ZNF800: variants seen among roughly 807,000 people sequenced by gnomAD.
ZNF800 encodes the protein zinc finger protein 800.
ZNF800 carries 13 observed loss-of-function variants against 59.5 expected under a neutral mutation model. That is an observed-to-expected ratio of 0.22 (90% CI 0.14 to 0.35). The LOEUF is 0.35. ZNF800 is among the 10% of genes least tolerant of loss of function. ZNF800 has a pLI of 1.00. For synonymous variants in ZNF800, 266 were observed against 265.7 expected, an observed-to-expected ratio of 1.00 and a Z score of -0.01; for missense variants, 621 against 783.7, an observed-to-expected ratio of 0.79 and a Z score of 2.48.
At chr7:127,386,289 C>T in intron 2 of ZNF800, 134 bp from the exon 3 acceptor site, 11 of 483,030 alleles carry the variant, frequency 2.3e-5, no homozygotes, top group South Asian at 1.9e-4. Context: ...CACACACACG[C>T]ATATATAATA....
chr7:127,384,224 C>CTTTTTTTTTT (rs1189051908), intron 3 of ZNF800, among the ~76,000 whole-genome samples: 3 of 59,242 alleles, frequency 5.1e-5, no homozygotes, highest in Admixed American at 3.4e-4. Flanking sequence ...CTAATTCTAA[C>CTTTTTTTTTT]TTCTTTTTTT....
chr7:127,391,333 T>A (rs1801306010), intron 2 of ZNF800, among the ~76,000 whole-genome samples, 164 bp downstream of exon 2: 1 of 152,168 alleles, frequency 6.6e-6, no homozygotes, highest in African/African-American at 2.4e-5. Flanking sequence ...AGGGGAGACC[T>A]CTTGTTTGTA....
chr7:127,355,952 T>A (rs1800262081), intron 1 of ZNF800, among the ~76,000 whole-genome samples: 1 of 152,012 alleles, frequency 6.6e-6, no homozygotes, highest in Admixed American at 6.6e-5. Context: ...TAATATTATT[T>A]CCTAACACAA....
At chr7:127,343,579 A>G (rs1443044113), downstream of ZNF800, among the ~76,000 whole-genome samples, 4 of 152,018 alleles carry the variant, frequency 2.6e-5, no homozygotes, top group East Asian at 7.7e-4. Flanking sequence ...GGCCTAAACA[A>G]TGTTATGGGT....
chr7:127,390,276 A>G (rs1414381027), intron 2 of ZNF800, among the ~76,000 whole-genome samples: 1 of 152,230 alleles, frequency 6.6e-6, no homozygotes, highest in Non-Finnish European at 1.5e-5. Flanking sequence ...TCAGTAAAAC[A>G]TAAGTGATAT....
At chr7:127,360,238 G>T (rs1361449430) in intron 1 of ZNF800, 1 of 152,032 alleles carries the variant, frequency 6.6e-6, no homozygotes, top group Non-Finnish European at 1.5e-5. Context: ...TGATAGATGT[G>T]GAGTCAGCCA....
rs1400491528 is a variant in ZNF800, at chr7:127,374,760, C to T, written c.576G>A (p.Glu192=). 2 of 1,613,892 alleles carry T rather than the reference C, an allele frequency of 1.2e-6. No individual in the cohort carries two copies. The highest frequency in any genetic ancestry group is 1.7e-5 in the Admixed American group (1 of 59,998). The change falls in exon 5 of 6, where the codon GAG becomes GAA. Residue 192 remains glutamate (E), a synonymous_variant. Coordinates refer to ENST00000265827, the MANE Select transcript of ZNF800 (RefSeq NM_176814.5). ...CTGTAACAATCTCAACAGGAGGGGG[C>T]TCTACAGTTTCCACCTCTGTATCTG... is the stretch of plus-strand genomic sequence containing the variant. ...PVTDTEVETV[E]PPPVEIVTDE...
intron 1 of ZNF800, among the ~76,000 whole-genome samples, chr7:127,358,898 TG>T: frequency 6.6e-6 from 1 of 152,254 alleles, no homozygotes; most frequent in African/African-American, 2.4e-5. Flanking sequence ...ACTCATGGAA[TG>T]CTTTAACTTT....
rs1490738023 is a variant in ZNF800, at chr7:127,377,873, C to T, written c.158-544G>A. ...CTGTGATTTTTCTCTTTAAATTCAGCTCAAATTACTTCAGGTTCTGGGCCA... is the reference window on the plus strand; with the variant it reads ...CTGTGATTTTTCTCTTTAAATTCAGTTCAAATTACTTCAGGTTCTGGGCCA... On this transcript the variant is annotated intron_variant, in intron 3 of 5. Coordinates refer to ENST00000265827, the MANE Select transcript of ZNF800 (RefSeq NM_176814.5). This position sits in a 1 kb window ranked among gnomAD's most constrained non-coding sequence, Gnocchi z 4.7. 6.6e-6 allele frequency among the ~76,000 whole-genome samples: 1 copy of T among 152,034 alleles called. No individual in the cohort carries two copies. Among genetic ancestry groups the T allele is most frequent in the Non-Finnish European group, 1.5e-5 (1 of 67,928 alleles).
chr7:127,343,635 C>T (rs555090494), downstream of ZNF800, among the ~76,000 whole-genome samples: 3 of 151,924 alleles, frequency 2.0e-5, no homozygotes, highest in East Asian at 3.9e-4. Context: ...ATGCTATGTA[C>T]CAATCTAGGT....
Position 127,386,117 on chromosome 7 carries a change from G to T in ZNF800, c.100C>A (p.Gln34Lys), listed in dbSNP as rs758732129. 5.0e-6 allele frequency: 8 copies of T among 1,611,536 alleles called. No individual in the cohort carries two copies. The highest frequency in any genetic ancestry group is 6.8e-6 in the Non-Finnish European group (8 of 1,178,518). The part of the protein sequence containing the change: ...LEPGDPPLLQ[Q>K]PLQTSKSGIQ... ...CCAGATTTGGATGTCTGTAGTGGTT[G>T]CTGTAACAAAGGAGGATCTCCAGGT... The change falls in exon 3 of 6, where the codon CAA (glutamine) becomes AAA (lysine). Residue 34 changes from glutamine to lysine, a missense_variant. By Grantham distance (53) the Gln-to-Lys change is moderately conservative (BLOSUM62 1). Transcript: ENST00000265827.
intron 5 of ZNF800, 84 bp downstream of exon 5, chr7:127,373,258 G>A (rs1363149490): frequency 6.6e-7 from 1 of 1,513,860 alleles, no homozygotes; most frequent in Admixed American, 2.3e-5. Context: ...TGTTAAAATG[G>A]AACCAGCTAT....
In ZNF800 at chr7:127,374,916, T is replaced by A. The variant is rs1222717765; in HGVS notation, c.420A>T (p.Gln140His). 6.2e-7 allele frequency: 1 copy of A among 1,613,822 alleles called. No individual in the cohort carries two copies. Among genetic ancestry groups the A allele is most frequent in the East Asian group, 2.2e-5 (1 of 44,886 alleles). Residue 140 changes from glutamine to histidine, a missense_variant, in exon 5 of 6, where the codon CAA (glutamine) becomes CAT (histidine). Physicochemically the swap from Gln to His is conservative, Grantham distance 24. This residue lies in a region of ZNF800 where 218 missense variants were observed against 230.8 expected (regional missense o/e 0.94). Transcript: ENST00000265827. Reference sequence around the variant, plus strand: ...TCGAAATATATTGAAATACTGCATTTTGATTAGTTTCTATGGGTTCTAGCT... The same window carrying A: ...TCGAAATATATTGAAATACTGCATTATGATTAGTTTCTATGGGTTCTAGCT... ...IIKLEPIETN[Q>H]NAVFQYISRT...
downstream of ZNF800, among the ~76,000 whole-genome samples, chr7:127,344,724 A>G (rs1800027016): frequency 1.3e-5 from 2 of 152,154 alleles, no homozygotes; most frequent in South Asian, 4.1e-4. Context: ...GTGTGTAGGA[A>G]TTTAGTATTT....
chr7:127,344,768 T>C (rs1800027770), downstream of ZNF800, among the ~76,000 whole-genome samples: 1 of 152,096 alleles, frequency 6.6e-6, no homozygotes, highest in South Asian at 2.1e-4. Context: ...AGTAGAAAAG[T>C]GAGTTTTCAA....
intron 3 of ZNF800, among the ~76,000 whole-genome samples, chr7:127,382,549 G>T (rs576182941): frequency 6.6e-6 from 1 of 152,172 alleles, no homozygotes; most frequent in Non-Finnish European, 1.5e-5. Flanking sequence ...CTACACAAAG[G>T]GTAAGGCACA....
In ZNF800 at chr7:127,379,884, G is replaced by C. The variant is rs913758097; in HGVS notation, c.158-2555C>G. On this transcript the variant is annotated intron_variant, in intron 3 of 5. Transcript: ENST00000265827. ...CCACACACACACAGAGAGAGAGAGA[G>C]AGAGAGAGGGAGAGAGAGCGCAAGT... 2.6e-3 allele frequency among the ~76,000 whole-genome samples: 286 copies of C among 110,052 alleles called. 3 individuals carry two copies. Among genetic ancestry groups the C allele is most frequent in the African/African-American group, 0.01 (277 of 27,314 alleles). The allele number at this position is 110,052 out of a possible 152,430, so 72.2% of individuals were successfully genotyped here.
chr7:127,379,606 A>G (rs943957522), intron 3 of ZNF800, among the ~76,000 whole-genome samples: 3 of 152,166 alleles, frequency 2.0e-5, no homozygotes, highest in Non-Finnish European at 2.9e-5. Context: ...CAAGTGTAAA[A>G]TATAAGACTG....
At chr7:127,378,730 C>CAG (rs766174673) in intron 3 of ZNF800, among the ~76,000 whole-genome samples, 103 of 150,116 alleles carry the variant, frequency 6.9e-4, no homozygotes, top group East Asian at 1.2e-3. Flanking sequence ...CACACACACA[C>CAG]AGAGAGAGAG....
Sources: gnomAD v4.1 joint callset for allele counts (sites outside exome capture counted in the v4.1 genomes callset) on GRCh38, gnomAD v4.1.1 for gene constraint, gnomAD v4.1.1 regional missense constraint, Gnocchi (gnomAD v3.1) non-coding constraint, MANE v1.5 for transcripts, NCBI Gene and HGNC (gene_info 2026-07-23, HGNC 2026-07-21) for gene names.